The following CHODL variants were observed in gnomAD, a reference collection of about 807,000 sequenced individuals.
CHODL encodes chondrolectin.
A neutral mutation model predicts 34.5 loss-of-function variants in CHODL; 29 were observed. That is an observed-to-expected ratio of 0.84 (90% confidence interval 0.63 to 1.15). CHODL has a LOEUF of 1.15. CHODL is among the 50% of genes most tolerant of loss of function. The pLI is 0.00. For synonymous variants in CHODL, 125 were observed against 116.1 expected (o/e 1.08, Z -0.49); for missense variants, 332 against 332.5 (o/e 1.00, Z 0.01).
intron 2 of CHODL, among the ~76,000 whole-genome samples, chr21:18,178,576 T>C: frequency 6.6e-6 from 1 of 152,234 alleles, no homozygotes. Flanking sequence ...ACATGTATTA[T>C]ATACTGTATT....
chr21:18,141,237 T>C (rs1291404053), intron 2 of CHODL, among the ~76,000 whole-genome samples: 1 of 152,130 alleles, frequency 6.6e-6, no homozygotes, highest in Non-Finnish European at 1.5e-5. Flanking sequence ...TGAAGGTTTA[T>C]ATGCAGGAAG....
intron 2 of CHODL, chr21:18,099,806 T>C (rs981604082): frequency 1.3e-5 from 2 of 152,106 alleles, no homozygotes; most frequent in Admixed American, 1.3e-4. Context: ...TTAAATAAAG[T>C]GGGTGGGTTA....
At chr21:18,044,255 G>A (rs190857069) in intron 2 of CHODL, among the ~76,000 whole-genome samples, 80 of 152,070 alleles carry the variant, frequency 5.3e-4, no homozygotes, top group African/African-American at 1.9e-3. Context: ...TGTGAATTGT[G>A]TGATTTCAAT....
At chr21:18,122,633 A>G (rs2065493934) in intron 2 of CHODL, among the ~76,000 whole-genome samples, 1 of 152,190 alleles carries the variant, frequency 6.6e-6, no homozygotes. Context: ...ACATCACCAA[A>G]GAATAGAACA....
In CHODL at chr21:17,924,865, G is replaced by A. The variant is rs138137906; in HGVS notation, c.-145+7465G>A. 8.1e-3 allele frequency among the ~76,000 whole-genome samples: 1,231 copies of A among 152,236 alleles called. 21 individuals are homozygous for A. The highest frequency in any genetic ancestry group is 0.027 in the African/African-American group (1,138 of 41,530). On this transcript the variant is annotated intron_variant, in intron 1 of 6. Transcript: ENST00000400127. ...CTAATCATTCTGTTATATTACCACA[G>A]AGCTTGTCCTTATCTGGCTCTGTTA...
chr21:18,167,133 G>C (rs1207041863), intron 2 of CHODL, among the ~76,000 whole-genome samples: 1 of 151,322 alleles, frequency 6.6e-6, no homozygotes. Flanking sequence ...TTGTATACAG[G>C]TGAGACAAAT....
At chr21:18,082,702 G>A (rs1174164716) in intron 2 of CHODL, among the ~76,000 whole-genome samples, 1 of 152,172 alleles carries the variant, frequency 6.6e-6, no homozygotes, top group African/African-American at 2.4e-5. Flanking sequence ...TGCTCCTGCT[G>A]TAGAAATCTA....
intron 2 of CHODL, among the ~76,000 whole-genome samples, chr21:18,079,710 A>C (rs1465227689): frequency 6.6e-6 from 1 of 151,878 alleles, no homozygotes; most frequent in Non-Finnish European, 1.5e-5. Context: ...GTGCTGTGAC[A>C]AACCATACAA....
chr21:18,107,473 A>G (rs571805208), intron 2 of CHODL, among the ~76,000 whole-genome samples: 3 of 152,366 alleles, frequency 2.0e-5, no homozygotes, highest in African/African-American at 4.8e-5. Context: ...ATACCAGGCC[A>G]TAGCAGGCCT....
At chr21:18,154,798 A>G (rs987352053) in intron 2 of CHODL, among the ~76,000 whole-genome samples, 2 of 152,228 alleles carry the variant, frequency 1.3e-5, no homozygotes, top group African/African-American at 2.4e-5. Flanking sequence ...AATGTTATGC[A>G]TTAAATATGG....
chr21:17,973,399 CTTTTCTTTTCTTTCTTTCT>C (rs1250897292), intron 1 of CHODL, among the ~76,000 whole-genome samples: 2 of 145,020 alleles, frequency 1.4e-5, no homozygotes, highest in African/African-American at 5.2e-5. Context: ...TATGCATTTT[CTTTTCTTTTCTTTCTTTCT>C]TTTTTTTTTT....
intron 1 of CHODL, among the ~76,000 whole-genome samples, chr21:17,987,409 G>A (rs2063761898): frequency 6.6e-6 from 1 of 151,922 alleles, no homozygotes; most frequent in South Asian, 2.1e-4. Context: ...AAAAAATATA[G>A]CCACTTATTC....
chr21:18,135,290 C>T lies in CHODL; in HGVS notation c.-45+107319C>T, dbSNP rs887673242. Among the ~76,000 whole-genome samples, 7 of 152,102 alleles carry T rather than the reference C, an allele frequency of 4.6e-5. No homozygotes were observed. In the South Asian group the frequency reaches 6.2e-4, roughly 14 times the overall value. On this transcript the variant is annotated intron_variant, in intron 2 of 6. Coordinates refer to the CHODL transcript ENST00000400127. Reference sequence around the variant, plus strand: ...TAATTTCCTAACATTTTCATTTATGCGCTCTCAGTTCCAACTGTTTCAAAC... The same window carrying T: ...TAATTTCCTAACATTTTCATTTATGTGCTCTCAGTTCCAACTGTTTCAAAC...
chr21:18,026,632 A>G (rs2064178578), intron 1 of CHODL, among the ~76,000 whole-genome samples: 1 of 152,198 alleles, frequency 6.6e-6, no homozygotes, highest in African/African-American at 2.4e-5. Context: ...TCCCTCTATT[A>G]CATGCATTAA....
At chr21:18,180,676 A>G (rs2073371162) in intron 2 of CHODL, among the ~76,000 whole-genome samples, 1 of 152,216 alleles carries the variant, frequency 6.6e-6, no homozygotes, top group African/African-American at 2.4e-5. Flanking sequence ...AGTTGGTGCA[A>G]ATAAATACTG....
At chr21:18,065,756 A>G (rs7282381) in intron 2 of CHODL, among the ~76,000 whole-genome samples, 1 of 152,212 alleles carries the variant, frequency 6.6e-6, no homozygotes, top group African/African-American at 2.4e-5. Context: ...TTGATAGAAT[A>G]TGAAAGACTA....
intron 2 of CHODL, among the ~76,000 whole-genome samples, chr21:18,098,817 A>G (rs1280980264): frequency 1.3e-5 from 2 of 152,144 alleles, no homozygotes; most frequent in Non-Finnish European, 1.5e-5. Flanking sequence ...AAGACTTGGA[A>G]CCAACCTTAT....
chr21:18,169,502 T>A (rs76402959), intron 2 of CHODL, among the ~76,000 whole-genome samples: 2,118 of 152,104 alleles, frequency 0.014, 25 homozygotes, highest in East Asian at 0.028. Flanking sequence ...GCACTGTAAC[T>A]TTGTAGTAAG....
At chr21:17,995,729 A>C (rs2063842829) in intron 1 of CHODL, among the ~76,000 whole-genome samples, 1 of 152,154 alleles carries the variant, frequency 6.6e-6, no homozygotes, top group Admixed American at 6.5e-5. Flanking sequence ...TCTTTAGGTC[A>C]CTTCCTTCAT....
Sources: allele counts gnomAD v4.1 joint callset (sites outside exome capture counted in the v4.1 genomes callset), GRCh38; gene constraint gnomAD v4.1.1; transcripts MANE v1.5; gene names NCBI Gene and HGNC (gene_info 2026-07-23, HGNC 2026-07-21).